Variants in TTLL1 observed in about 807,000 individuals in gnomAD.
TTLL1 encodes polyglutamylase complex subunit TTLL1.
Under a neutral mutation model 47.8 loss-of-function variants are expected in TTLL1, and 33 were observed. The observed-to-expected ratio is 0.69, with a 90% confidence interval of 0.52 to 0.92. The LOEUF is 0.92. TTLL1 is among the 40% of genes least tolerant of loss of function. TTLL1 has a pLI of 0.00. For synonymous variants in TTLL1, 225 were observed against 214.1 expected (o/e 1.05, Z -0.45); for missense variants, 488 against 547.5 (o/e 0.89, Z 1.08).
At chr22:43,040,031 C>T (rs1257897086) in intron 10 of TTLL1, 126 bp from the exon 11 acceptor site, 12 of 1,327,924 alleles carry the variant, frequency 9.0e-6, no homozygotes, top group East Asian at 5.0e-5. Context: ...CCCACCCTCG[C>T]GACTCCTGCT....
intron 3 of TTLL1, among the ~76,000 whole-genome samples, chr22:43,074,427 C>CAAAA (rs61701643): frequency 1.0e-3 from 87 of 84,202 alleles, no homozygotes; most frequent in Non-Finnish European, 1.7e-3. Flanking sequence ...AATTTCGTCT[C>CAAAA]AAAAAAAAAA....
In TTLL1 at chr22:43,063,631, C is replaced by T. The variant is rs562380081; in HGVS notation, c.747+182G>A. On this transcript the variant is annotated intron_variant, in intron 7 of 10. Coordinates refer to ENST00000266254, the MANE Select transcript of TTLL1 (RefSeq NM_012263.5). The stretch of plus-strand genomic sequence containing the variant: ...AGGCGCCAGCCACCATGGTAATTTC[C>T]GTATTTTTTTTTTTAGTAGAGACAG... Among the ~76,000 whole-genome samples the T allele has an allele frequency of 6.3e-4, 96 of 151,764 alleles. 1 individual carries two copies. Among genetic ancestry groups the T allele is most frequent in the Non-Finnish European group, 1.0e-3 (70 of 67,972 alleles).
rs1927999870 is a variant in TTLL1, at chr22:43,069,851, G to T, written c.114-7C>A. ...GATGGTTTGCACACTCATCCTGAAA[G>T]AGATGAGCAGGAGAGACACTTGGCA... On this transcript the variant is annotated splice_polypyrimidine_tract_variant and splice_region_variant and intron_variant, in intron 3 of 10. Transcript: ENST00000266254. 6.2e-7 allele frequency: 1 copy of T among 1,613,908 alleles called. No homozygotes were observed. Among genetic ancestry groups the T allele is most frequent in the Non-Finnish European group, 8.5e-7 (1 of 1,179,954 alleles).
At chr22:43,051,330 A>G (rs1452163981) in intron 9 of TTLL1, among the ~76,000 whole-genome samples, 1 of 152,260 alleles carries the variant, frequency 6.6e-6, no homozygotes, top group Admixed American at 6.5e-5. Context: ...CACCCACTGA[A>G]AGAGGCAGAG....
chr22:43,072,842 G>C (rs142201905), intron 3 of TTLL1, among the ~76,000 whole-genome samples: 516 of 151,196 alleles, frequency 3.4e-3, no homozygotes, highest in African/African-American at 0.012. Context: ...CAAACTCCTC[G>C]CAAGGTGCTG....
chr22:43,076,909 G>T (rs955085439), intron 2 of TTLL1, among the ~76,000 whole-genome samples: 1 of 151,752 alleles, frequency 6.6e-6, no homozygotes, highest in African/African-American at 2.4e-5. Flanking sequence ...AGACCATCCT[G>T]GCTAACACAG....
intron 5 of TTLL1, among the ~76,000 whole-genome samples, chr22:43,066,446 G>A (rs888333898): frequency 6.6e-6 from 1 of 151,722 alleles, no homozygotes; most frequent in Non-Finnish European, 1.5e-5. Context: ...AAGCATGGCC[G>A]GGCATGGTGG....
At chr22:43,062,866 T>C (rs1481223006) in intron 7 of TTLL1, among the ~76,000 whole-genome samples, 1 of 152,182 alleles carries the variant, frequency 6.6e-6, no homozygotes, top group Non-Finnish European at 1.5e-5. Context: ...CCTAACCTAC[T>C]GAATATCATA....
chr22:43,080,902 C>CT (rs10529079), intron 1 of TTLL1, among the ~76,000 whole-genome samples: 1,335 of 69,158 alleles, frequency 0.019, 188 homozygotes, highest in East Asian at 0.04. Flanking sequence ...TGTTGCATGA[C>CT]TTTTTTTTTT....
intron 2 of TTLL1, among the ~76,000 whole-genome samples, chr22:43,075,942 C>T (rs926350): frequency 0.28 from 43,041 of 152,080 alleles, 7,017 homozygotes; most frequent in East Asian, 0.68. Context: ...AATCACCACC[C>T]GGGAATGTTC....
At chr22:43,057,752 G>A (rs1927115253) in intron 8 of TTLL1, among the ~76,000 whole-genome samples, 1 of 151,404 alleles carries the variant, frequency 6.6e-6, no homozygotes, top group Non-Finnish European at 1.5e-5. Flanking sequence ...CTCCTGGAGT[G>A]GGCAGGGGAG....
chr22:43,076,477 C>A (rs533504876), intron 2 of TTLL1, among the ~76,000 whole-genome samples: 1 of 150,438 alleles, frequency 6.6e-6, no homozygotes, highest in East Asian at 2.0e-4. Context: ...ATAGGCCGGG[C>A]GCGGTGGCTC....
At position 43,071,792 on chromosome 22, in the gene TTLL1, T is replaced by A. The variant is rs549403351; in HGVS notation, c.114-1948A>T. ...CTTCTCCTTGTGGCACTGACTGAGG[T>A]CATTCAGAAGTGTAGAGCCAGCCGA... On this transcript the variant is annotated intron_variant, in intron 3 of 10. Coordinates refer to ENST00000266254, the MANE Select transcript of TTLL1 (RefSeq NM_012263.5). Among the ~76,000 whole-genome samples, 5 of 152,306 alleles carry A rather than the reference T, an allele frequency of 3.3e-5. No individual in the cohort carries two copies. The South Asian group carries it at 1.0e-3, about 32-fold the overall frequency.
intron 2 of TTLL1, among the ~76,000 whole-genome samples, chr22:43,077,828 C>T (rs1419090268): frequency 3.3e-5 from 5 of 152,176 alleles, no homozygotes; most frequent in Admixed American, 6.6e-5. Context: ...ATCTTCTGGC[C>T]GGGCGCGGTG....
intron 10 of TTLL1, among the ~76,000 whole-genome samples, chr22:43,041,532 C>CTTTTTT (rs112180579): frequency 0.24 from 33,789 of 139,962 alleles, 4,969 homozygotes; most frequent in Middle Eastern, 0.37. Context: ...TTTCTGATTC[C>CTTTTTT]TTTTTTTTTT....
intron 4 of TTLL1, 163 bp downstream of exon 4, chr22:43,069,473 T>C: frequency 7.9e-7 from 1 of 1,270,254 alleles, no homozygotes. Flanking sequence ...AGGCCCCTCC[T>C]TCTCCCTCAT....
In TTLL1 at chr22:43,075,593, G is replaced by A. The variant is rs780077456; in HGVS notation, c.-4-3C>T. The A allele has an allele frequency of 3.7e-6, 6 of 1,612,794 alleles. No homozygotes were observed. Among genetic ancestry groups the A allele is most frequent in the Non-Finnish European group, 5.1e-6 (6 of 1,178,840 alleles). ...ATTTTACTTTCCCTGCCATAATCCT[G>A]GAAGAGATCAAAATATTAGAGATAT... On this transcript the variant is annotated splice_region_variant and splice_polypyrimidine_tract_variant and intron_variant, in intron 2 of 10. Coordinates refer to ENST00000266254, the MANE Select transcript of TTLL1 (RefSeq NM_012263.5).
At chr22:43,062,351 C>T (rs758891789) in intron 7 of TTLL1, among the ~76,000 whole-genome samples, 11 of 151,768 alleles carry the variant, frequency 7.2e-5, no homozygotes, top group South Asian at 4.2e-4. Context: ...ATTAGCTGGG[C>T]GTGGTGGCGC....
intron 9 of TTLL1, among the ~76,000 whole-genome samples, chr22:43,049,772 C>CAGAAAAAAAAAAAAGAAA (rs1926452334): frequency 9.6e-6 from 1 of 104,648 alleles, no homozygotes; most frequent in Admixed American, 1.1e-4. Context: ...TGTCTCAAGA[C>CAGAAAAAAAAAAAAGAAA]AGAAAAAAAA....
Sources: gnomAD v4.1 joint callset for allele counts (sites outside exome capture counted in the v4.1 genomes callset) on GRCh38, gnomAD v4.1.1 for gene constraint, MANE v1.5 for transcripts, NCBI Gene and HGNC (gene_info 2026-07-23, HGNC 2026-07-21) for gene names.